STRADA: variants seen among roughly 807,000 people sequenced by gnomAD.
STRADA encodes STE20 related adaptor alpha.
In STRADA, 26 loss-of-function variants were observed where a neutral mutation model predicts 55.0. The ratio of observed to expected loss-of-function variants is 0.47; its 90% CI spans 0.35 to 0.66. The LOEUF (loss-of-function observed/expected upper bound fraction) is 0.66, where lower values mean the gene tolerates loss of function less well. Ranked by LOEUF, STRADA falls within the 30% of genes least tolerant of loss-of-function variation. STRADA has a pLI of 0.01. For synonymous variants in STRADA, 197 were observed against 210.9 expected, an observed-to-expected ratio of 0.93 and a Z score of 0.57; for missense variants, 443 against 549.7, an observed-to-expected ratio of 0.81 and a Z score of 1.94.
Position 63,720,771 on chromosome 17 carries a change from TA to T in STRADA, c.123+2526del, listed in dbSNP as rs777238779. On this transcript the variant is annotated intron_variant, in intron 4 of 12. Transcript: ENST00000336174. ...GCCTGGGCGACAGAGCGAGACTGTT[TA>T]AAAAAAAAAAAAAAAAAAGTAAAAA... Among the ~76,000 whole-genome samples the T allele has an allele frequency of 8.1e-3, 879 of 108,886 alleles. 14 individuals carry two copies. The highest frequency in any genetic ancestry group is 0.034 in the Admixed American group (344 of 10,254). The allele number at this position is 108,886 out of a possible 152,430, so 71.4% of individuals were successfully genotyped here. A position where few individuals can be genotyped will look rare whatever the true frequency, so the allele number is the denominator to read the frequency against.
At chr17:63,722,545 C>G (rs1365600507) in intron 4 of STRADA, among the ~76,000 whole-genome samples, 1 of 152,204 alleles carries the variant, frequency 6.6e-6, no homozygotes, top group Admixed American at 6.5e-5. Context: ...ATAAGCACAG[C>G]CAAAGCTTTA....
At chr17:63,734,143 C>G (rs753336923) in intron 1 of STRADA, among the ~76,000 whole-genome samples, 1 of 152,214 alleles carries the variant, frequency 6.6e-6, no homozygotes, top group Non-Finnish European at 1.5e-5. Flanking sequence ...TGGATTAAGG[C>G]TGGCCAATGG....
At chr17:63,739,140 C>CAAA (rs35963636) in intron 1 of STRADA, among the ~76,000 whole-genome samples, 7 of 69,360 alleles carry the variant, frequency 1.0e-4, no homozygotes, top group Non-Finnish European at 1.3e-4. Flanking sequence ...GACTCCATCT[C>CAAA]AAAAAAAAAA....
chr17:63,713,896 C>T, intron 5 of STRADA, 110 bp downstream of exon 5: 1 of 863,880 alleles, frequency 1.2e-6, no homozygotes, highest in South Asian at 1.5e-5. Flanking sequence ...GCCCATGAAT[C>T]CTCCTAACTA....
chr17:63,721,461 G>GT (rs2037318865), intron 4 of STRADA, among the ~76,000 whole-genome samples: 1 of 151,180 alleles, frequency 6.6e-6, no homozygotes, highest in African/African-American at 2.4e-5. Context: ...GCTCACGCCT[G>GT]TAATACCAGG....
chr17:63,710,814 A>C lies in STRADA; in HGVS notation c.371T>G (p.Leu124Arg). 6.2e-7 allele frequency: 1 copy of C among 1,614,208 alleles called. No individual in the cohort carries two copies. ...TGGCACGATATTGGGATGGTTGAAG[A>C]GTTTGGAGACATGCAGCTCGCCCTG... ...FLQGELHVSK[L>R]FNHPNIVPYR... The change falls in exon 7 of 13, where the codon CTC (leucine) becomes CGC (arginine). Residue 124 changes from leucine (L) to arginine (R), a missense_variant. Leu to Arg is a moderately radical substitution (Grantham distance 102). Coordinates refer to ENST00000336174, the MANE Select transcript of STRADA (RefSeq NM_001003787.4).
intron 4 of STRADA, among the ~76,000 whole-genome samples, chr17:63,715,918 T>C (rs2036842157): frequency 6.6e-6 from 1 of 152,192 alleles, no homozygotes; most frequent in Non-Finnish European, 1.5e-5. Context: ...TCAGTTCTGC[T>C]ATTATGGACT....
intron 10 of STRADA, chr17:63,705,019 C>G (rs550128761): frequency 9.2e-7 from 1 of 1,092,792 alleles, no homozygotes; most frequent in Non-Finnish European, 1.3e-6. Flanking sequence ...ACAGCCTGGG[C>G]TGTCGCTGCA....
Position 63,728,364 on chromosome 17 carries a change from T to A in STRADA, c.6A>T (p.Ser2=). 1 of 1,613,230 alleles carries A rather than the reference T, an allele frequency of 6.2e-7. No homozygotes were observed. Among genetic ancestry groups the A allele is most frequent in the Non-Finnish European group, 8.5e-7 (1 of 1,179,730 alleles). Reference sequence around the variant, plus strand: ...TTCGCTCTGGTTTACTTACAAGAAATGACATGAGTTCCTACTGTGTAGGCC... The same window carrying A: ...TTCGCTCTGGTTTACTTACAAGAAAAGACATGAGTTCCTACTGTGTAGGCC... M[S]FLVSKPERIR... is the part of the protein sequence containing the mutation. The change falls in exon 2 of 13, where the codon TCA becomes TCT. Residue 2 remains serine (S), a synonymous_variant. Coordinates refer to ENST00000336174, the MANE Select transcript of STRADA (RefSeq NM_001003787.4).
chr17:63,704,691 T>A, intron 10 of STRADA, 109 bp from the exon 11 acceptor site: 2 of 1,504,498 alleles, frequency 1.3e-6, no homozygotes, highest in Non-Finnish European at 1.8e-6. Context: ...TATGCAAATG[T>A]GATCATTTGA....
chr17:63,717,419 T>C (rs1298115536), intron 4 of STRADA, among the ~76,000 whole-genome samples: 19 of 152,170 alleles, frequency 1.2e-4, no homozygotes, highest in Non-Finnish European at 2.4e-4. Flanking sequence ...ACGATTCTCC[T>C]GCCTCAGCCT....
chr17:63,735,471 G>C (rs1171390037), intron 1 of STRADA, among the ~76,000 whole-genome samples: 1 of 152,162 alleles, frequency 6.6e-6, no homozygotes, highest in Non-Finnish European at 1.5e-5. Flanking sequence ...CCCTCTGATA[G>C]TGATGCTTAT....
At chr17:63,714,201 G>A (rs1488910877) in intron 4 of STRADA, 93 bp from the exon 5 acceptor site, 5 of 873,784 alleles carry the variant, frequency 5.7e-6, no homozygotes, top group Non-Finnish European at 9.3e-6. Flanking sequence ...CGAGGAGACT[G>A]GCATCTAAAC....
intron 1 of STRADA, among the ~76,000 whole-genome samples, chr17:63,730,977 C>A (rs530197463): frequency 6.6e-6 from 1 of 151,130 alleles, no homozygotes; most frequent in Non-Finnish European, 1.5e-5. Context: ...GATGGAGTCT[C>A]GCTCTGTTGC....
intron 10 of STRADA, chr17:63,705,158 G>A (rs1049494050): frequency 1.6e-5 from 9 of 578,276 alleles, no homozygotes; most frequent in African/African-American, 7.5e-5. Flanking sequence ...CCTCATGACC[G>A]CATAAGCTGT....
chr17:63,720,541 G>A (rs1356368992), intron 4 of STRADA, among the ~76,000 whole-genome samples: 4 of 151,792 alleles, frequency 2.6e-5, no homozygotes, highest in Middle Eastern at 6.8e-3. Context: ...TTGGAAGGCC[G>A]AGGCAGGCGG....
At chr17:63,707,972 C>T (rs1186431034) in intron 8 of STRADA, among the ~76,000 whole-genome samples, 2 of 151,926 alleles carry the variant, frequency 1.3e-5, no homozygotes, top group East Asian at 3.9e-4. Context: ...CTCCCGACCT[C>T]GTGATCCACC....
At chr17:63,722,735 G>A (rs2037396451) in intron 4 of STRADA, among the ~76,000 whole-genome samples, 1 of 152,178 alleles carries the variant, frequency 6.6e-6, no homozygotes, top group African/African-American at 2.4e-5. Context: ...TGCACATCTG[G>A]TGCTATTTAT....
Position 63,704,058 on chromosome 17 carries a change from A to C in STRADA, c.1101-11T>G, listed in dbSNP as rs2143713005. ...GTGCTGGCACTGGGCCTGGAGGGAA[A>C]GGGGAGGAGAGACCGCAGCATCACT... On this transcript the variant is annotated splice_polypyrimidine_tract_variant and intron_variant, in intron 11 of 12. Coordinates refer to ENST00000336174, the MANE Select transcript of STRADA (RefSeq NM_001003787.4). 1 of 1,612,402 alleles carries C rather than the reference A, an allele frequency of 6.2e-7. No homozygotes were observed. Among genetic ancestry groups the C allele is most frequent in the Non-Finnish European group, 8.5e-7 (1 of 1,179,310 alleles).
Sources: allele counts gnomAD v4.1 joint callset (sites outside exome capture counted in the v4.1 genomes callset), GRCh38; gene constraint gnomAD v4.1.1; transcripts MANE v1.5; gene names NCBI Gene and HGNC (gene_info 2026-07-23, HGNC 2026-07-21).